Variants in PDE3A observed in about 807,000 individuals in gnomAD.
The protein encoded by PDE3A is cGMP-inhibited 3',5'-cyclic phosphodiesterase 3A.
A neutral mutation model predicts 98.3 loss-of-function variants in PDE3A; 43 were observed. That is an observed-to-expected ratio of 0.44 (90% CI 0.34 to 0.56). The LOEUF (loss-of-function observed/expected upper bound fraction) is 0.56, where lower values mean the gene tolerates loss of function less well. PDE3A is among the 20% of genes least tolerant of loss of function. PDE3A has a pLI of 0.01. For synonymous variants in PDE3A, 663 were observed against 567.9 expected (o/e 1.17, Z -2.38); for missense variants, 1,427 against 1,440.7 (o/e 0.99, Z 0.15).
rs1015593815 is a variant in PDE3A at position 20,552,616 on chromosome 12, C to T, written c.961-4044C>T. ...TGGCCCGAGCAGGGCCGGGTCCCCGCGCCGGACATCCAAGAAAACCAAGGT... is the reference window on the plus strand; with the variant it reads ...TGGCCCGAGCAGGGCCGGGTCCCCGTGCCGGACATCCAAGAAAACCAAGGT... On this transcript the variant is annotated intron_variant, in intron 1 of 15. Transcript: ENST00000359062. This position sits in a 1 kb window ranked among gnomAD's most constrained non-coding sequence, Gnocchi z 5.1. The T allele has an allele frequency of 6.8e-6, 11 of 1,613,558 alleles. No homozygotes were observed. Among genetic ancestry groups the T allele is most frequent in the Non-Finnish European group, 8.5e-6 (10 of 1,179,800 alleles).
intron 1 of PDE3A, among the ~76,000 whole-genome samples, chr12:20,429,312 C>T (rs1246258510): frequency 6.6e-6 from 1 of 152,134 alleles, no homozygotes; most frequent in Non-Finnish European, 1.5e-5. Context: ...GGTTTGGCTT[C>T]TGTTTTCCTT....
chr12:20,498,294 T>G (rs1429512158), intron 1 of PDE3A, among the ~76,000 whole-genome samples: 1 of 151,962 alleles, frequency 6.6e-6, no homozygotes, highest in African/African-American at 2.4e-5. Context: ...CTGAAGGAAA[T>G]GTAGGAACTC....
intron 2 of PDE3A, among the ~76,000 whole-genome samples, chr12:20,571,569 G>C (rs1289499004): frequency 6.6e-6 from 1 of 151,942 alleles, no homozygotes; most frequent in Non-Finnish European, 1.5e-5. Flanking sequence ...ACAAAACAAG[G>C]CCTGTTTTTT....
intron 15 of PDE3A, among the ~76,000 whole-genome samples, chr12:20,673,727 T>C (rs995093825): frequency 2.2e-5 from 3 of 137,918 alleles, no homozygotes; most frequent in African/African-American, 8.1e-5. Context: ...AGGGATAGCA[T>C]TGGGAGATAT....
At chr12:20,472,084 G>A (rs1052095089) in intron 1 of PDE3A, among the ~76,000 whole-genome samples, 2 of 152,104 alleles carry the variant, frequency 1.3e-5, no homozygotes, top group African/African-American at 4.8e-5. Context: ...GTATTTGAAT[G>A]TATGTTGACA....
At chr12:20,600,221 G>GTCTC (rs1302595256) in intron 2 of PDE3A, among the ~76,000 whole-genome samples, 1 of 152,130 alleles carries the variant, frequency 6.6e-6, no homozygotes, top group Non-Finnish European at 1.5e-5. Flanking sequence ...CAGTTCAGAA[G>GTCTC]TCTCTCCTAA....
chr12:20,650,555 C>A lies in PDE3A; in HGVS notation c.2880C>A (p.Leu960=). ...DINGPAKCKE[L]HLQWTDGIVN... The stretch of plus-strand genomic sequence containing the variant: ...ATGGTCCAGCTAAATGTAAAGAACT[C>A]CATCTTCAGTGGACAGATGGTATTG... Residue 960 remains leucine, a synonymous_variant, in exon 14 of 16, where the codon CTC becomes CTA. Coordinates refer to ENST00000359062, the MANE Select transcript of PDE3A (RefSeq NM_000921.5). The A allele has an allele frequency of 6.2e-7, 1 of 1,611,754 alleles. No homozygotes were observed. Among genetic ancestry groups the A allele is most frequent in the South Asian group, 1.1e-5 (1 of 90,994 alleles).
chr12:20,596,087 G>A lies in PDE3A; in HGVS notation c.1012-17356G>A, dbSNP rs145011724. On this transcript the variant is annotated intron_variant, in intron 2 of 15. Transcript: ENST00000359062. Reference sequence around the variant, plus strand: ...CATAGATCTTTGTCTTAAAGAACATGTGCTGAATTTCTGTAGAAATTGACT... The same window carrying A: ...CATAGATCTTTGTCTTAAAGAACATATGCTGAATTTCTGTAGAAATTGACT... 9.9e-5 allele frequency among the ~76,000 whole-genome samples: 15 copies of A among 152,216 alleles called. 1 individual carries two copies. Among genetic ancestry groups the A allele is most frequent in the Admixed American group, 9.8e-4 (15 of 15,300 alleles).
At chr12:20,522,371 C>G (rs1280761656) in intron 1 of PDE3A, among the ~76,000 whole-genome samples, 2 of 152,148 alleles carry the variant, frequency 1.3e-5, no homozygotes, top group Non-Finnish European at 2.9e-5. Flanking sequence ...GAATCTGAAA[C>G]TCTGAGAGTG....
intron 1 of PDE3A, among the ~76,000 whole-genome samples, chr12:20,506,478 A>G (rs948725610): frequency 6.6e-6 from 1 of 152,086 alleles, no homozygotes; most frequent in South Asian, 2.1e-4. Flanking sequence ...ATTTTTATTA[A>G]TCATCTTATG....
Position 20,680,294 on chromosome 12 carries a change from T to G in PDE3A, c.*23T>G, listed in dbSNP as rs1482973036. ...TGACAATGGATAGAATGGGCTGTGTTTCCAAACAGATTGACTTGTCAAAGA... is the reference window on the plus strand; with the variant it reads ...TGACAATGGATAGAATGGGCTGTGTGTCCAAACAGATTGACTTGTCAAAGA... On this transcript the variant is annotated 3_prime_UTR_variant, in exon 16 of 16. Transcript: ENST00000359062. The G allele has an allele frequency of 1.9e-6, 3 of 1,611,320 alleles. No individual in the cohort carries two copies. In the East Asian group the frequency reaches 6.7e-5, roughly 36 times the overall value.
In PDE3A at chr12:20,369,066, T is replaced by A. The variant is rs1943401673; in HGVS notation, c.-219T>A. Reference sequence around the variant, plus strand: ...CAACTTGAGCGTGCTAGCCTTTAACTTGAAGAAGTCTCATTGGAGCATCTA... The same window carrying A: ...CAACTTGAGCGTGCTAGCCTTTAACATGAAGAAGTCTCATTGGAGCATCTA... On this transcript the variant is annotated 5_prime_UTR_variant, in exon 1 of 16. In the 5' UTR this introduces an upstream ATG that the reference lacks. Transcript: ENST00000359062. Among the ~76,000 whole-genome samples the A allele has an allele frequency of 6.6e-6, 1 of 152,198 alleles. No homozygotes were observed. Among genetic ancestry groups the A allele is most frequent in the Non-Finnish European group, 1.5e-5 (1 of 68,032 alleles).
intron 9 of PDE3A, 78 bp downstream of exon 9, chr12:20,637,315 T>A (rs542473613): frequency 2.8e-6 from 3 of 1,071,508 alleles, no homozygotes; most frequent in Non-Finnish European, 4.0e-6. Context: ...TGTAAATTCT[T>A]GACACTTGTG....
chr12:20,538,833 G>A (rs962958355), intron 1 of PDE3A, among the ~76,000 whole-genome samples: 12 of 151,930 alleles, frequency 7.9e-5, no homozygotes, highest in African/African-American at 2.9e-4. Flanking sequence ...TTTTGTAGAC[G>A]TGAGATCCCA....
chr12:20,509,298 G>A (rs1350169223), intron 1 of PDE3A, among the ~76,000 whole-genome samples: 1 of 152,028 alleles, frequency 6.6e-6, no homozygotes, highest in East Asian at 1.9e-4. Context: ...GGCCTTTTAA[G>A]GTGTCTAGTT....
Position 20,684,121 on chromosome 12 carries a change from A to G in PDE3A, c.*3850A>G, listed in dbSNP as rs575510848. The stretch of plus-strand genomic sequence containing the variant: ...ATTATTAATTTATAAAAGTGAACTA[A>G]TTGTGTGATTATCAAATCCTGATTA... On this transcript the variant is annotated 3_prime_UTR_variant, in exon 16 of 16. Transcript: ENST00000359062. 6.6e-6 allele frequency: 1 copy of G among 152,308 alleles called. No individual in the cohort carries two copies. The highest frequency in any genetic ancestry group is 2.1e-4 in the South Asian group (1 of 4,822). 9.4% of individuals were successfully genotyped at this position (152,308 alleles called of 1,614,324 possible). A position where few individuals can be genotyped will look rare whatever the true frequency, so the allele number is the denominator to read the frequency against.
intron 1 of PDE3A, among the ~76,000 whole-genome samples, chr12:20,443,082 T>C (rs913868453): frequency 2.7e-5 from 2 of 74,996 alleles, no homozygotes; most frequent in Non-Finnish European, 9.2e-5. Flanking sequence ...GGTGTAAGTA[T>C]ATAAATGTTA....
At chr12:20,421,134 C>G (rs986467798) in intron 1 of PDE3A, among the ~76,000 whole-genome samples, 1 of 152,012 alleles carries the variant, frequency 6.6e-6, no homozygotes, top group African/African-American at 2.4e-5. Flanking sequence ...AACCATGTTC[C>G]TTGAGTCTGG....
At chr12:20,617,772 T>C (rs1194420157) in intron 4 of PDE3A, among the ~76,000 whole-genome samples, 8 of 152,124 alleles carry the variant, frequency 5.3e-5, no homozygotes, top group Non-Finnish European at 1.0e-4. Flanking sequence ...CCTTCTCAAA[T>C]GCCTTTTATT....
Sources: allele counts gnomAD v4.1 joint callset (sites outside exome capture counted in the v4.1 genomes callset), GRCh38; gene constraint gnomAD v4.1.1; non-coding constraint Gnocchi (gnomAD v3.1); transcripts MANE v1.5; gene names NCBI Gene and HGNC (gene_info 2026-07-23, HGNC 2026-07-21).